LEMD1: variants seen among roughly 807,000 people sequenced by gnomAD.
LEMD1 encodes the protein LEM domain-containing protein 1.
In LEMD1, 18 loss-of-function variants were observed where a neutral mutation model predicts 17.4. That is an observed-to-expected ratio of 1.04 (90% CI 0.72 to 1.54). LEMD1 has a LOEUF of 1.54. Among genes scored for constraint, LEMD1 ranks in the 40% most tolerant of loss-of-function variants. LEMD1 has a pLI of 0.00. For synonymous variants in LEMD1, 88 were observed against 77.8 expected (o/e 1.13, Z -0.69); for missense variants, 195 against 210.4 (o/e 0.93, Z 0.45).
chr1:205,405,672 T>C (rs1665059637), intron 4 of LEMD1, among the ~76,000 whole-genome samples: 1 of 152,084 alleles, frequency 6.6e-6, no homozygotes, highest in South Asian at 2.1e-4. Flanking sequence ...TCGGAGTAGT[T>C]TGATCGTCTG....
chr1:205,447,760 C>T (rs954243568), intron 1 of LEMD1, among the ~76,000 whole-genome samples: 8 of 82,018 alleles, frequency 9.8e-5, no homozygotes, highest in Admixed American at 7.7e-4. Flanking sequence ...CCCGGGGGAG[C>T]GCCTGCCTTC....
rs370525104 is a variant in LEMD1 at position 205,396,735 on chromosome 1, C to T, written c.271-12371G>A. On this transcript the variant is annotated intron_variant, in intron 4 of 5. Coordinates refer to ENST00000367153, the MANE Select transcript of LEMD1 (RefSeq NM_001199050.2). Reference sequence around the variant, plus strand: ...AAATGAAATACAAAATCATGAAAAACTGAACTAAAGTTTGTGGATGCTATA... The same window carrying T: ...AAATGAAATACAAAATCATGAAAAATTGAACTAAAGTTTGTGGATGCTATA... 1.2e-3 allele frequency among the ~76,000 whole-genome samples: 183 copies of T among 152,162 alleles called. 2 individuals carry two copies. The highest frequency in any genetic ancestry group is 6.8e-3 in the Middle Eastern group (2 of 294).
At chr1:205,410,803 G>T (rs1479716185) in intron 4 of LEMD1, among the ~76,000 whole-genome samples, 3 of 151,882 alleles carry the variant, frequency 2.0e-5, no homozygotes, top group Non-Finnish European at 4.4e-5. Context: ...GGAGGTCAAG[G>T]CTGCAGTGAA....
intron 4 of LEMD1, among the ~76,000 whole-genome samples, chr1:205,388,051 G>A (rs913765890): frequency 6.6e-5 from 10 of 152,182 alleles, no homozygotes; most frequent in African/African-American, 2.4e-4. Context: ...TTACACAGCT[G>A]GTGAGGCAAT....
At chr1:205,411,238 GGAAA>G (rs1451562832) in intron 4 of LEMD1, among the ~76,000 whole-genome samples, 2 of 143,020 alleles carry the variant, frequency 1.4e-5, no homozygotes, top group African/African-American at 2.6e-5. Flanking sequence ...AGGGAGGGAG[GGAAA>G]GGAAGGAAGG....
chr1:205,383,975 C>A (rs1269761311), intron 5 of LEMD1, among the ~76,000 whole-genome samples: 3 of 147,972 alleles, frequency 2.0e-5, no homozygotes, highest in Non-Finnish European at 4.5e-5. Context: ...TTGCCTCTTG[C>A]CCACCTTCCA....
intron 4 of LEMD1, among the ~76,000 whole-genome samples, chr1:205,415,370 G>T (rs1483697006): frequency 2.0e-5 from 3 of 152,112 alleles, no homozygotes; most frequent in Admixed American, 6.5e-5. Flanking sequence ...CCGCAAAGAG[G>T]GGGTGAGGGA....
intron 4 of LEMD1, among the ~76,000 whole-genome samples, chr1:205,404,250 G>A (rs954324415): frequency 6.6e-6 from 1 of 151,870 alleles, no homozygotes; most frequent in African/African-American, 2.4e-5. Context: ...CAATTCCTGG[G>A]TATCCTTGTT....
chr1:205,420,293 G>C (rs1421630003), intron 2 of LEMD1, among the ~76,000 whole-genome samples, 162 bp downstream of exon 2: 3 of 152,160 alleles, frequency 2.0e-5, no homozygotes, highest in African/African-American at 4.8e-5. Flanking sequence ...TCTGTAAATA[G>C]GATTTGGGTA....
intron 4 of LEMD1, among the ~76,000 whole-genome samples, chr1:205,385,079 C>T (rs1204798739): frequency 1.3e-5 from 2 of 152,064 alleles, no homozygotes; most frequent in Admixed American, 6.6e-5. Flanking sequence ...CTACACTAGA[C>T]TTCTCTCTAC....
At chr1:205,391,239 G>A (rs1398159633) in intron 4 of LEMD1, among the ~76,000 whole-genome samples, 1 of 152,104 alleles carries the variant, frequency 6.6e-6, no homozygotes, top group Non-Finnish European at 1.5e-5. Flanking sequence ...GCTAAGTACA[G>A]CCAATCCCCC....
intron 5 of LEMD1, among the ~76,000 whole-genome samples, chr1:205,383,189 G>A (rs1240812525): frequency 6.6e-6 from 1 of 152,084 alleles, no homozygotes; most frequent in Non-Finnish European, 1.5e-5. Context: ...GAACTCCTGG[G>A]CTCAACTAAT....
intron 2 of LEMD1, among the ~76,000 whole-genome samples, chr1:205,420,211 G>C (rs1665896853): frequency 1.3e-5 from 2 of 152,140 alleles, no homozygotes; most frequent in Admixed American, 6.5e-5. Flanking sequence ...CCAGCTGCTT[G>C]GGAGGCTCAG....
rs1558735012 is a variant in LEMD1, at chr1:205,419,207, A to G, written c.205+23T>C. The G allele has an allele frequency of 2.5e-6, 4 of 1,611,530 alleles. No individual in the cohort carries two copies. The South Asian group carries it at 3.3e-5, about 13-fold the overall frequency. On this transcript the variant is annotated intron_variant, in intron 3 of 5. Transcript: ENST00000367153. ...ATTAATAAGTGCAAAGTTGCCATCT[A>G]GCAGTACAGCTTATGGCGGTACCTT...
chr1:205,417,610 C>T (rs1270799977), intron 3 of LEMD1, among the ~76,000 whole-genome samples: 1 of 152,068 alleles, frequency 6.6e-6, no homozygotes, highest in African/African-American at 2.4e-5. Flanking sequence ...CACCCCCGTG[C>T]TAACTGCCTG....
chr1:205,390,467 TTAG>T (rs1374033264), intron 4 of LEMD1, among the ~76,000 whole-genome samples: 1 of 151,896 alleles, frequency 6.6e-6, no homozygotes, highest in Non-Finnish European at 1.5e-5. Context: ...AGGTAAAATA[TTAG>T]AAGTATTTCC....
chr1:205,445,815 C>T (rs1666379538), intron 1 of LEMD1, among the ~76,000 whole-genome samples: 1 of 152,186 alleles, frequency 6.6e-6, no homozygotes, highest in Non-Finnish European at 1.5e-5. Flanking sequence ...CAGAATGAAC[C>T]CCAAAGGTCA....
upstream of LEMD1, among the ~76,000 whole-genome samples, chr1:205,423,276 C>A (rs1666009163): frequency 6.6e-6 from 1 of 152,198 alleles, no homozygotes; most frequent in Non-Finnish European, 1.5e-5. Flanking sequence ...ACATGTAATG[C>A]AAATATTTAC....
chr1:205,439,008 T>C (rs1339581979), intron 1 of LEMD1, among the ~76,000 whole-genome samples: 1 of 152,182 alleles, frequency 6.6e-6, no homozygotes, highest in African/African-American at 2.4e-5. Flanking sequence ...ACCCAATATC[T>C]CTGAGTCTCC....
Sources: allele counts gnomAD v4.1 joint callset (sites outside exome capture counted in the v4.1 genomes callset), GRCh38; gene constraint gnomAD v4.1.1; transcripts MANE v1.5; gene names NCBI Gene and HGNC (gene_info 2026-07-23, HGNC 2026-07-21).